TACR1: variants seen among roughly 807,000 people sequenced by gnomAD.
TACR1 encodes substance-P receptor.
In TACR1, 25 loss-of-function variants were observed where a neutral mutation model predicts 35.8. The ratio of observed to expected loss-of-function variants is 0.70; its 90% CI spans 0.51 to 0.98. The LOEUF is 0.98. TACR1 is among the 50% of genes least tolerant of loss of function. The pLI is 0.00. For missense variants in TACR1, 478 were observed against 522.9 expected, an observed-to-expected ratio of 0.91 and a Z score of 0.84; for synonymous variants, 195 against 206.7, an observed-to-expected ratio of 0.94 and a Z score of 0.48.
intron 2 of TACR1, among the ~76,000 whole-genome samples, chr2:75,096,320 C>G (rs1463243666): frequency 6.6e-6 from 1 of 152,154 alleles, no homozygotes; most frequent in Admixed American, 6.5e-5. Context: ...AAACATCAGC[C>G]AGTCCCAGTG....
At chr2:75,141,144 C>A (rs1674393917) in intron 1 of TACR1, among the ~76,000 whole-genome samples, 1 of 152,154 alleles carries the variant, frequency 6.6e-6, no homozygotes, top group South Asian at 2.1e-4. Context: ...CCTCTCTTAT[C>A]TCCCTCTAGT....
chr2:75,106,352 T>C (rs1284710240), intron 2 of TACR1, among the ~76,000 whole-genome samples: 1 of 152,016 alleles, frequency 6.6e-6, no homozygotes, highest in Non-Finnish European at 1.5e-5. Flanking sequence ...CTATATTCAG[T>C]GTGTTGTGAT....
At chr2:75,141,624 C>T (rs1444021981) in intron 1 of TACR1, among the ~76,000 whole-genome samples, 1 of 152,066 alleles carries the variant, frequency 6.6e-6, no homozygotes, top group Non-Finnish European at 1.5e-5. Flanking sequence ...CCTTTGTCCA[C>T]CCACTATTCA....
At chr2:75,148,725 A>G (rs531856022) in intron 1 of TACR1, among the ~76,000 whole-genome samples, 5 of 152,192 alleles carry the variant, frequency 3.3e-5, no homozygotes, top group African/African-American at 1.2e-4. Flanking sequence ...CTTTATTTTA[A>G]TTAGATCCCA....
At chr2:75,067,759 A>G (rs60205502) in intron 2 of TACR1, among the ~76,000 whole-genome samples, 37,399 of 151,984 alleles carry the variant, frequency 0.25, 5,877 homozygotes, top group African/African-American at 0.41. Flanking sequence ...CTAAGGTCCA[A>G]ATGTGCTGGG....
intron 2 of TACR1, among the ~76,000 whole-genome samples, chr2:75,068,564 G>A (rs1415735257): frequency 6.6e-6 from 1 of 152,154 alleles, no homozygotes; most frequent in East Asian, 1.9e-4. Context: ...CATATTAATA[G>A]CTGACACTGA....
chr2:75,173,407 A>T (rs1221229049), intron 1 of TACR1, among the ~76,000 whole-genome samples: 2 of 152,226 alleles, frequency 1.3e-5, no homozygotes, highest in Admixed American at 1.3e-4. Context: ...AGCCTGCTTT[A>T]CTGTAACTAT....
intron 1 of TACR1, among the ~76,000 whole-genome samples, chr2:75,191,502 C>T (rs188444684): frequency 6.6e-6 from 1 of 152,112 alleles, no homozygotes; most frequent in East Asian, 1.9e-4. Context: ...ATGATAAGCA[C>T]CTCCTCCAAT....
intron 1 of TACR1, 65 bp from the exon 2 acceptor site, chr2:75,120,833 A>T (rs1572941798): frequency 3.8e-6 from 5 of 1,305,904 alleles, no homozygotes. Context: ...GAGATTCCAT[A>T]TTTTTCCTGC....
intron 1 of TACR1, among the ~76,000 whole-genome samples, chr2:75,130,566 T>TGACA (rs1351738835): frequency 6.6e-6 from 1 of 152,260 alleles, no homozygotes; most frequent in Non-Finnish European, 1.5e-5. Context: ...GTTAAATCTT[T>TGACA]GACAGCAATA....
intron 2 of TACR1, chr2:75,118,786 T>C (rs897092856): frequency 6.6e-6 from 1 of 152,214 alleles, no homozygotes. Context: ...ATGGGAGATA[T>C]TTCTGAAACA....
At chr2:75,104,446 C>T (rs931072822) in intron 2 of TACR1, among the ~76,000 whole-genome samples, 1 of 152,034 alleles carries the variant, frequency 6.6e-6, no homozygotes, top group South Asian at 2.1e-4. Context: ...TAGTAGGGGA[C>T]TTTAATAAGC....
chr2:75,105,050 A>C (rs566523053), intron 2 of TACR1, among the ~76,000 whole-genome samples: 1 of 152,240 alleles, frequency 6.6e-6, no homozygotes, highest in African/African-American at 2.4e-5. Context: ...TATCTGAAAG[A>C]AATGAAATCA....
In TACR1 at chr2:75,166,327, CAT is replaced by C. The variant is rs139227161; in HGVS notation, c.389+32217_389+32218del. 7.4e-3 allele frequency among the ~76,000 whole-genome samples: 1,132 copies of C among 152,222 alleles called. 22 individuals carry two copies. Among genetic ancestry groups the C allele is most frequent in the African/African-American group, 0.025 (1,035 of 41,524 alleles). ...ATGAAAAGTATCACAAATCAACAAA[CAT>C]AGAATGATGAAATTATAAAAGCATT... On this transcript the variant is annotated intron_variant, in intron 1 of 4. Transcript: ENST00000305249.
chr2:75,131,768 G>C (rs1165606977), intron 1 of TACR1, among the ~76,000 whole-genome samples: 1 of 152,134 alleles, frequency 6.6e-6, no homozygotes, highest in Non-Finnish European at 1.5e-5. Context: ...ATACTACATA[G>C]TATTTTAAAA....
At chr2:75,076,344 C>A (rs1038656453) in intron 2 of TACR1, among the ~76,000 whole-genome samples, 2 of 152,228 alleles carry the variant, frequency 1.3e-5, no homozygotes, top group Non-Finnish European at 2.9e-5. Context: ...ACTCTCAAAT[C>A]CCCCTTACTG....
intron 2 of TACR1, among the ~76,000 whole-genome samples, chr2:75,094,485 C>T (rs1673372915): frequency 6.6e-6 from 1 of 152,094 alleles, no homozygotes; most frequent in South Asian, 2.1e-4. Flanking sequence ...AGGCAAACAA[C>T]ATTTACAGAA....
chr2:75,066,613 C>G (rs1672766486), intron 2 of TACR1, among the ~76,000 whole-genome samples: 1 of 152,200 alleles, frequency 6.6e-6, no homozygotes, highest in African/African-American at 2.4e-5. Context: ...ATTTCCACAG[C>G]CTGTTCTTGT....
At chr2:75,196,936 A>G (rs1440146768) in intron 1 of TACR1, among the ~76,000 whole-genome samples, 1 of 152,218 alleles carries the variant, frequency 6.6e-6, no homozygotes, top group Non-Finnish European at 1.5e-5. Flanking sequence ...CCTGATATTC[A>G]CTTATATATC....
Sources: gnomAD v4.1 joint callset for allele counts (sites outside exome capture counted in the v4.1 genomes callset) on GRCh38, gnomAD v4.1.1 for gene constraint, MANE v1.5 for transcripts, NCBI Gene and HGNC (gene_info 2026-07-23, HGNC 2026-07-21) for gene names.